The following CTNNA2 variants were observed in gnomAD, a reference collection of about 807,000 sequenced individuals.
CTNNA2 encodes catenin alpha-2.
In CTNNA2, 42 loss-of-function variants were observed where a neutral mutation model predicts 101.0. That is an observed-to-expected ratio of 0.42 (90% CI 0.32 to 0.54). The LOEUF is 0.54. CTNNA2 is among the 20% of genes least tolerant of loss of function. The pLI is 0.14. For synonymous variants in CTNNA2, 450 were observed against 456.4 expected (o/e 0.99, Z 0.18); for missense variants, 871 against 1,223.1 (o/e 0.71, Z 4.29).
intron 9 of CTNNA2, among the ~76,000 whole-genome samples, chr2:80,530,666 A>T (rs1340736353): frequency 6.6e-6 from 1 of 152,136 alleles, no homozygotes; most frequent in Non-Finnish European, 1.5e-5. Context: ...ACGTGGGAGG[A>T]GGATTTGAGA....
At chr2:80,292,663 A>G (rs914587180) in intron 7 of CTNNA2, among the ~76,000 whole-genome samples, 1 of 152,214 alleles carries the variant, frequency 6.6e-6, no homozygotes, top group African/African-American at 2.4e-5. Context: ...TGATAGGCCT[A>G]TGCCAGCATA....
At chr2:79,939,317 T>A (rs1687993396) in intron 7 of CTNNA2, among the ~76,000 whole-genome samples, 1 of 152,234 alleles carries the variant, frequency 6.6e-6, no homozygotes, top group Non-Finnish European at 1.5e-5. Context: ...CTTAACTTTC[T>A]GTGTAAGTCT....
chr2:79,460,308 G>A (rs2104534919), intron 4 of CTNNA2, among the ~76,000 whole-genome samples: 1 of 152,144 alleles, frequency 6.6e-6, no homozygotes, highest in South Asian at 2.1e-4. Context: ...AACTTAATAT[G>A]TCCCAAGTGA....
intron 1 of CTNNA2, among the ~76,000 whole-genome samples, chr2:79,556,921 C>T (rs538819923): frequency 6.6e-6 from 1 of 151,990 alleles, no homozygotes; most frequent in South Asian, 2.1e-4. Flanking sequence ...TTAATTTACC[C>T]ATCTTTTTCT....
At chr2:79,888,201 A>G (rs1397469831) in intron 6 of CTNNA2, among the ~76,000 whole-genome samples, 1 of 152,178 alleles carries the variant, frequency 6.6e-6, no homozygotes. Flanking sequence ...GTGAGCTTAT[A>G]GGAAGAGGAG....
intron 6 of CTNNA2, among the ~76,000 whole-genome samples, chr2:79,903,202 T>G (rs1269663350): frequency 6.6e-6 from 1 of 152,188 alleles, no homozygotes; most frequent in Non-Finnish European, 1.5e-5. Flanking sequence ...ATAGCCTATA[T>G]ATTTTCAAAT....
At chr2:79,807,161 T>G (rs1480233371) in intron 3 of CTNNA2, among the ~76,000 whole-genome samples, 2 of 152,142 alleles carry the variant, frequency 1.3e-5, no homozygotes, top group Non-Finnish European at 2.9e-5. Flanking sequence ...TACAAATATA[T>G]TTTTGGTTTG....
chr2:79,492,203 C>T (rs1446826834), intron 4 of CTNNA2, among the ~76,000 whole-genome samples: 1 of 151,508 alleles, frequency 6.6e-6, no homozygotes, highest in Non-Finnish European at 1.5e-5. Context: ...TTTAATGTGG[C>T]CTATTAGAAT....
chr2:79,935,685 T>C (rs1484869673), intron 7 of CTNNA2, among the ~76,000 whole-genome samples: 3 of 152,230 alleles, frequency 2.0e-5, no homozygotes, highest in East Asian at 3.8e-4. Context: ...AATGCATAAA[T>C]CTAACTGGGG....
At chr2:80,013,388 T>C (rs1269562090) in intron 7 of CTNNA2, among the ~76,000 whole-genome samples, 2 of 152,028 alleles carry the variant, frequency 1.3e-5, no homozygotes. Flanking sequence ...AAAAGAGGAG[T>C]TATACTGCAA....
intron 1 of CTNNA2, among the ~76,000 whole-genome samples, chr2:79,622,003 G>A (rs998019545): frequency 7.2e-5 from 11 of 152,286 alleles, no homozygotes; most frequent in African/African-American, 2.6e-4. Flanking sequence ...GGAAGCCTGA[G>A]GAGACATGAA....
intron 6 of CTNNA2, among the ~76,000 whole-genome samples, chr2:79,885,296 C>T (rs899834744): frequency 3.3e-5 from 5 of 152,280 alleles, no homozygotes; most frequent in African/African-American, 1.2e-4. Context: ...TGTTGTGCCT[C>T]CATTTCAAAT....
In CTNNA2 at chr2:79,288,826, A is replaced by C. The variant is rs1573037062; in HGVS notation, c.-405-23883A>C. Among the ~76,000 whole-genome samples the C allele has an allele frequency of 2.0e-5, 3 of 152,328 alleles. No homozygotes were observed. The South Asian group carries it at 6.2e-4, about 32-fold the overall frequency. ...TTAAAAGAGTGAAGAATAGATACTG[A>C]CTTTCAGTGGGGGAACTTTCAAACA... is the stretch of plus-strand genomic sequence containing the variant. On this transcript the variant is annotated intron_variant, in intron 2 of 21. Coordinates refer to the CTNNA2 transcript ENST00000466387.
At chr2:79,949,922 T>G (rs1025268092) in intron 7 of CTNNA2, among the ~76,000 whole-genome samples, 22 of 152,220 alleles carry the variant, frequency 1.4e-4, no homozygotes, top group Non-Finnish European at 5.9e-5. Flanking sequence ...TTAACTGTAA[T>G]TGTTGGAGGA....
chr2:79,824,561 C>G (rs1309691812), intron 3 of CTNNA2, among the ~76,000 whole-genome samples: 2 of 152,140 alleles, frequency 1.3e-5, no homozygotes, highest in Non-Finnish European at 1.5e-5. Flanking sequence ...CTTACTTTCT[C>G]AAAATTTAGT....
At chr2:80,638,865 G>A (rs918488409) in intron 18 of CTNNA2, among the ~76,000 whole-genome samples, 21 of 152,156 alleles carry the variant, frequency 1.4e-4, no homozygotes, top group African/African-American at 5.1e-4. Context: ...AGAGCCAAGT[G>A]GTAAATTCCT....
chr2:79,474,980 C>T (rs1335652997), intron 4 of CTNNA2, among the ~76,000 whole-genome samples: 1 of 152,094 alleles, frequency 6.6e-6, no homozygotes, highest in East Asian at 1.9e-4. Context: ...GAAAGAAAAC[C>T]CCATCCAGTC....
intron 7 of CTNNA2, among the ~76,000 whole-genome samples, chr2:80,020,742 A>T (rs1694497485): frequency 6.6e-6 from 1 of 152,050 alleles, no homozygotes; most frequent in African/African-American, 2.4e-5. Context: ...GCTCATTTCT[A>T]CTCTGAATTT....
chr2:80,046,412 A>G (rs1230712494), intron 7 of CTNNA2, among the ~76,000 whole-genome samples: 8 of 152,120 alleles, frequency 5.3e-5, no homozygotes, highest in African/African-American at 1.9e-4. Context: ...AGTAGATGAG[A>G]CCTACTATCT....
Sources: allele counts gnomAD v4.1 joint callset (sites outside exome capture counted in the v4.1 genomes callset), GRCh38; gene constraint gnomAD v4.1.1; transcripts MANE v1.5; gene names NCBI Gene and HGNC (gene_info 2026-07-23, HGNC 2026-07-21).